The following CIAO2A variants were observed in gnomAD, a reference collection of about 807,000 sequenced individuals.
The protein encoded by CIAO2A is cytosolic iron-sulfur assembly component 2A, also known as MIP18 family protein FAM96A.
A neutral mutation model predicts 22.4 loss-of-function variants in CIAO2A; 17 were observed. The ratio of observed to expected loss-of-function variants is 0.76; its 90% CI spans 0.52 to 1.14. The LOEUF is 1.14. Ranked by LOEUF, CIAO2A falls within the 50% of genes most tolerant of loss-of-function variation. CIAO2A has a pLI of 0.00. For missense variants in CIAO2A, 192 were observed against 191.4 expected, an observed-to-expected ratio of 1.00 and a Z score of -0.02; for synonymous variants, 74 against 72.3, an observed-to-expected ratio of 1.02 and a Z score of -0.12.
intron 1 of CIAO2A, among the ~76,000 whole-genome samples, chr15:64,092,063 CAAAAAAAA>C (rs35475525): frequency 4.7e-5 from 3 of 63,728 alleles, no homozygotes; most frequent in Non-Finnish European, 9.4e-5. Context: ...GACCCTGTCT[CAAAAAAAA>C]AAAAAAAAAA....
rs185426447 is a variant in CIAO2A, at chr15:64,089,100, C to G, written c.125-249G>C. ...AGAGAAAATATAATAAGAATGGAAA[C>G]AGTGTCATGGAAGCTCAAGAGGAAG... On this transcript the variant is annotated intron_variant, in intron 1 of 4. Transcript: ENST00000300030. Among the ~76,000 whole-genome samples the G allele has an allele frequency of 7.9e-5, 12 of 152,240 alleles. No individual in the cohort carries two copies. The East Asian group carries it at 2.3e-3, about 29-fold the overall frequency.
intron 2 of CIAO2A, among the ~76,000 whole-genome samples, chr15:64,084,835 G>T (rs917142944): frequency 4.6e-5 from 7 of 151,806 alleles, no homozygotes; most frequent in African/African-American, 1.7e-4. Context: ...GCTCACACCT[G>T]TAATCCCAGC....
At position 64,093,687 on chromosome 15, in the gene CIAO2A, G is replaced by A. The variant is rs1174584365; in HGVS notation, c.82C>T (p.Arg28Trp). 1.9e-6 allele frequency: 3 copies of A among 1,613,864 alleles called. No individual in the cohort carries two copies. Among genetic ancestry groups the A allele is most frequent in the African/African-American group, 2.7e-5 (2 of 74,890 alleles). ...TTCTCTTCCATGATCCGGGGCTGCC[G>A]GGCAGCTCCCGGCTCAGAGAGGCCG... is the stretch of plus-strand genomic sequence containing the variant. The part of the protein sequence containing the change: ...LSGLSEPGAA[R>W]QPRIMEEKAL... The change falls in exon 1 of 5, where the codon CGG becomes TGG. Residue 28 changes from arginine (R) to tryptophan (W), a missense_variant. Transcript: ENST00000300030.
At chr15:64,087,045 G>A (rs1265699983) in intron 2 of CIAO2A, among the ~76,000 whole-genome samples, 1 of 151,004 alleles carries the variant, frequency 6.6e-6, no homozygotes, top group African/African-American at 2.4e-5. Flanking sequence ...TCAAGTAGCT[G>A]GGATTACAGG....
At chr15:64,092,477 T>C (rs1175599905) in intron 1 of CIAO2A, among the ~76,000 whole-genome samples, 5 of 152,206 alleles carry the variant, frequency 3.3e-5, no homozygotes. Flanking sequence ...GTCTACAGCC[T>C]TCTATTACAT....
intron 4 of CIAO2A, 187 bp downstream of exon 4, chr15:64,075,305 G>A (rs764921450): frequency 5.3e-4 from 264 of 502,836 alleles, no homozygotes; most frequent in Non-Finnish European, 8.1e-4. Flanking sequence ...TAGTGCACTC[G>A]GAGTCCACTG....
intron 3 of CIAO2A, among the ~76,000 whole-genome samples, chr15:64,078,497 G>A (rs1419727416): frequency 5.9e-5 from 9 of 152,110 alleles, no homozygotes; most frequent in African/African-American, 1.9e-4. Context: ...TTAGCTGGGT[G>A]TGGTGGTATG....
At chr15:64,078,929 T>C (rs761795159) in intron 3 of CIAO2A, among the ~76,000 whole-genome samples, 3 of 152,008 alleles carry the variant, frequency 2.0e-5, no homozygotes, top group Non-Finnish European at 4.4e-5. Context: ...TGGTTCCAGC[T>C]ACTTGGGAGG....
intron 1 of CIAO2A, among the ~76,000 whole-genome samples, chr15:64,091,065 A>G (rs2080836388): frequency 6.6e-6 from 1 of 152,240 alleles, no homozygotes; most frequent in Non-Finnish European, 1.5e-5. Flanking sequence ...GAGGTTCTCA[A>G]ATCTGAAGTT....
At chr15:64,091,323 A>G (rs1436425833) in intron 1 of CIAO2A, among the ~76,000 whole-genome samples, 2 of 152,116 alleles carry the variant, frequency 1.3e-5, no homozygotes, top group Non-Finnish European at 2.9e-5. Flanking sequence ...CGTCTCTACT[A>G]AAAATACAAA....
chr15:64,090,204 G>A (rs576118204), intron 1 of CIAO2A: 14 of 166,206 alleles, frequency 8.4e-5, no homozygotes, highest in South Asian at 2.3e-4. Context: ...TTACCCAGGC[G>A]TGGTGCCGGG....
At chr15:64,090,685 T>A (rs1352844147) in intron 1 of CIAO2A, among the ~76,000 whole-genome samples, 1 of 152,054 alleles carries the variant, frequency 6.6e-6, no homozygotes, top group African/African-American at 2.4e-5. Flanking sequence ...GCAGTTTCAG[T>A]AGAGAGTGCG....
intron 2 of CIAO2A, among the ~76,000 whole-genome samples, chr15:64,085,551 C>G (rs1279814256): frequency 3.9e-5 from 6 of 152,118 alleles, no homozygotes; most frequent in African/African-American, 1.4e-4. Flanking sequence ...AAAAATAATT[C>G]ATGTATTTCA....
At chr15:64,090,437 A>G (rs1277054809) in intron 1 of CIAO2A, 1 of 152,576 alleles carries the variant, frequency 6.6e-6, no homozygotes, top group Non-Finnish European at 1.5e-5. Flanking sequence ...GAGTTTTAAA[A>G]ATTTCTCGGG....
chr15:64,080,572 C>T (rs2140108650), intron 3 of CIAO2A, among the ~76,000 whole-genome samples: 1 of 152,250 alleles, frequency 6.6e-6, no homozygotes, highest in South Asian at 2.1e-4. Context: ...GTCCCAGCTA[C>T]TCGGGAGGCT....
intron 4 of CIAO2A, chr15:64,074,833 T>C (rs2080704748): frequency 1.3e-5 from 2 of 152,206 alleles, no homozygotes; most frequent in African/African-American, 2.4e-5. Flanking sequence ...TGCTATTTTT[T>C]CCCACCTTCT....
At chr15:64,084,965 T>C (rs2080782515) in intron 2 of CIAO2A, among the ~76,000 whole-genome samples, 1 of 151,042 alleles carries the variant, frequency 6.6e-6, no homozygotes, top group Non-Finnish European at 1.5e-5. Context: ...TGGTGGAGGA[T>C]GCCTGTAATC....
rs1245269025 is a variant in CIAO2A at position 64,076,035 on chromosome 15, G to A, written c.340-498C>T. 1.1e-4 allele frequency among the ~76,000 whole-genome samples: 17 copies of A among 151,784 alleles called. 1 individual carries two copies. The highest frequency in any genetic ancestry group is 4.4e-5 in the Non-Finnish European group (3 of 67,916). On this transcript the variant is annotated intron_variant, in intron 3 of 4. Transcript: ENST00000300030. The stretch of plus-strand genomic sequence containing the variant: ...TCCTTCTCTAAAAAAAAAAAGGACT[G>A]AAATGAGTAGGATTTTTTATTTTGT...
At chr15:64,079,786 G>T (rs1029686863) in intron 3 of CIAO2A, among the ~76,000 whole-genome samples, 1 of 152,050 alleles carries the variant, frequency 6.6e-6, no homozygotes, top group African/African-American at 2.4e-5. Flanking sequence ...CACACCAAAA[G>T]CACAAGTTAA....
Sources: gnomAD v4.1 joint callset for allele counts (sites outside exome capture counted in the v4.1 genomes callset) on GRCh38, gnomAD v4.1.1 for gene constraint, MANE v1.5 for transcripts, NCBI Gene and HGNC (gene_info 2026-07-23, HGNC 2026-07-21) for gene names.